Variants in MYOM2 observed in about 807,000 individuals in gnomAD.
The protein encoded by MYOM2 is myomesin 2, also known as myomesin-2.
MYOM2 carries 254 observed loss-of-function variants against 187.6 expected under a neutral mutation model. That is an observed-to-expected ratio of 1.35 (90% CI 1.22 to 1.50). The LOEUF is 1.50. MYOM2 is among the 40% of genes most tolerant of loss of function. The pLI, the probability that MYOM2 is intolerant of heterozygous loss-of-function variation, is 0.00. For missense variants in MYOM2, 2,796 were observed against 1,924.0 expected (o/e 1.45, Z -8.48); for synonymous variants, 981 against 753.8 (o/e 1.30, Z -4.94).
rs778154103 is a variant in MYOM2 at position 2,085,273 on chromosome 8, G to T, written c.1527G>T (p.Gln509His). 3 of 1,613,944 alleles carry T rather than the reference G, an allele frequency of 1.9e-6. No homozygotes were observed. The highest frequency in any genetic ancestry group is 2.5e-6 in the Non-Finnish European group (3 of 1,179,992). The change falls in exon 14 of 37, where the codon CAG (glutamine) becomes CAT (histidine). Residue 509 changes from glutamine to histidine, a missense_variant. Gln to His is a conservative substitution (Grantham distance 24, BLOSUM62 0). Transcript: ENST00000262113. Reference sequence around the variant, plus strand: ...TTATTATTCCTCCAGGTGACGCCCAGGTTCCAGGGCCTCCCACCGGTGTGC... The same window carrying T: ...TTATTATTCCTCCAGGTGACGCCCATGTTCCAGGGCCTCCCACCGGTGTGC... The part of the protein sequence containing the change: ...IYQDDLEGDA[Q>H]VPGPPTGVHA...
chr8:2,053,780 C>A (rs1367362836), intron 3 of MYOM2, among the ~76,000 whole-genome samples: 2 of 152,214 alleles, frequency 1.3e-5, no homozygotes, highest in Non-Finnish European at 2.9e-5. Context: ...GAAGGCTAGG[C>A]ACTTTCTCAG....
intron 32 of MYOM2, among the ~76,000 whole-genome samples, chr8:2,136,749 T>C (rs867560400): frequency 6.6e-6 from 1 of 152,226 alleles, no homozygotes; most frequent in Admixed American, 6.5e-5. Context: ...TGTACCTTTT[T>C]CCCTTGTCAC....
intron 17 of MYOM2, among the ~76,000 whole-genome samples, chr8:2,095,677 G>T (rs777775448): frequency 1.1e-4 from 17 of 152,302 alleles, no homozygotes; most frequent in Non-Finnish European, 1.9e-4. Flanking sequence ...GTGACTCAGA[G>T]CTGGGGCAAG....
In MYOM2 at chr8:2,094,000, G is replaced by T. The variant is rs777197743; in HGVS notation, c.2034G>T (p.Glu678Asp). The T allele has an allele frequency of 1.2e-6, 2 of 1,614,176 alleles. No individual in the cohort carries two copies. Among genetic ancestry groups the T allele is most frequent in the Non-Finnish European group, 8.5e-7 (1 of 1,180,040 alleles). The stretch of plus-strand genomic sequence containing the variant: ...TGGTGCACGGCTTAACCACGGGAGA[G>T]CAGTACATCTTCCGAGTCAAGGCGG... ...RFVVHGLTTG[E>D]QYIFRVKAVN... The change falls in exon 17 of 37, where the codon GAG becomes GAT. Residue 678 changes from glutamate to aspartate, a missense_variant. Glu to Asp is a conservative substitution (Grantham distance 45). Coordinates refer to ENST00000262113, the MANE Select transcript of MYOM2 (RefSeq NM_003970.4).
intron 32 of MYOM2, among the ~76,000 whole-genome samples, chr8:2,131,639 C>CTTT (rs1443233505): frequency 1.0e-5 from 1 of 97,486 alleles, no homozygotes. Context: ...ACAGGCATTT[C>CTTT]TTTCTTTTTT....
rs541127708 is a variant in MYOM2 at position 2,066,641 on chromosome 8, G to A, written c.654-2637G>A. ...CAGAGAAGCACCTCCTCCTTCCACC[G>A]CGGACCCCAGTCCCAGGCATGTTCT... On this transcript the variant is annotated intron_variant, in intron 6 of 36. Transcript: ENST00000262113. Among the ~76,000 whole-genome samples, 19 of 152,276 alleles carry A rather than the reference G, an allele frequency of 1.2e-4. No individual in the cohort carries two copies. In the East Asian group the frequency reaches 1.9e-3, roughly 15 times the overall value.
At chr8:2,082,759 G>C (rs1038639223) in intron 13 of MYOM2, among the ~76,000 whole-genome samples, 1 of 152,206 alleles carries the variant, frequency 6.6e-6, no homozygotes, top group East Asian at 1.9e-4. Context: ...GCAAGCATTG[G>C]CTGTGCTTTC....
At chr8:2,090,555 T>C (rs1012492204) in intron 15 of MYOM2, among the ~76,000 whole-genome samples, 1 of 152,188 alleles carries the variant, frequency 6.6e-6, no homozygotes, top group Non-Finnish European at 1.5e-5. Context: ...GTTGTAAAGA[T>C]TATTTCGTCA....
At chr8:2,056,496 T>C (rs755058052) in intron 3 of MYOM2, among the ~76,000 whole-genome samples, 2 of 151,050 alleles carry the variant, frequency 1.3e-5, no homozygotes, top group Admixed American at 6.6e-5. Flanking sequence ...CAAAATGGCA[T>C]GTGAGCCGCG....
intron 19 of MYOM2, among the ~76,000 whole-genome samples, chr8:2,100,093 CTTCCTTCCTTCCTTCTTTCT>C (rs1394174554): frequency 9.1e-5 from 8 of 87,554 alleles, no homozygotes; most frequent in Admixed American, 4.7e-4. Context: ...TCTTTCCTTC[CTTCCTTCCTTCCTTCTTTCT>C]TTCCTTCCTT....
At chr8:2,079,458 T>A in intron 12 of MYOM2, 102 bp from the exon 13 acceptor site, 1 of 1,122,578 alleles carries the variant, frequency 8.9e-7, no homozygotes. Context: ...CAGGTTGTAG[T>A]CCTAATGCAG....
At position 2,076,183 on chromosome 8, in the gene MYOM2, A is replaced by G. The variant is rs1292227995; in HGVS notation, c.1163A>G (p.Asp388Gly). The change falls in exon 11 of 37, where the codon GAC becomes GGC. Residue 388 changes from aspartate (D) to glycine (G), a missense_variant. Coordinates refer to ENST00000262113, the MANE Select transcript of MYOM2 (RefSeq NM_003970.4). ...ACAGGGGCCCCCGGTGCACCCATGG[A>G]CTTGCAGTGCCACGACGCCAACCGG... is the stretch of plus-strand genomic sequence containing the variant. ...LVTGAPGAPM[D>G]LQCHDANRDY... 5 of 1,613,246 alleles carry G rather than the reference A, an allele frequency of 3.1e-6. No individual in the cohort carries two copies. The highest frequency in any genetic ancestry group is 4.2e-6 in the Non-Finnish European group (5 of 1,179,862).
rs1798420306 is a variant in MYOM2, at chr8:2,145,191, CGT to C, written c.*213_*214del. The C allele has an allele frequency of 1.6e-6, 1 of 610,374 alleles. No homozygotes were observed. 37.8% of individuals were successfully genotyped at this position (610,374 alleles called of 1,614,324 possible). ...TAATGTTTTCCACAAGACTGAACAA[CGT>C]GTATTTACACGAGGGTAGACGGCAG... On this transcript the variant is annotated 3_prime_UTR_variant, in exon 37 of 37. Transcript: ENST00000262113.
chr8:2,127,622 G>C (rs1420955696), intron 31 of MYOM2: 1 of 160,288 alleles, frequency 6.2e-6, no homozygotes, highest in Non-Finnish European at 1.4e-5. Flanking sequence ...GCAGTACCTC[G>C]GCGTGACGCG....
intron 23 of MYOM2, 52 bp from the exon 24 acceptor site, chr8:2,108,734 A>T: frequency 6.3e-7 from 1 of 1,595,158 alleles, no homozygotes; most frequent in Admixed American, 1.7e-5. Context: ...TTGTCTACAA[A>T]CTTCTCTAGG....
At chr8:2,143,206 T>G (rs936589876) in intron 35 of MYOM2, 195 bp from the exon 36 acceptor site, 15 of 656,176 alleles carry the variant, frequency 2.3e-5, no homozygotes, top group Non-Finnish European at 4.1e-5. Context: ...GTCTGTTATC[T>G]CCTCATCTAC....
At chr8:2,065,001 T>G (rs2129331895) in intron 6 of MYOM2, among the ~76,000 whole-genome samples, 1 of 152,368 alleles carries the variant, frequency 6.6e-6, no homozygotes. Context: ...GAATCATCTT[T>G]GAACTTTTGG....
chr8:2,137,358 G>T (rs1327000312), intron 32 of MYOM2, among the ~76,000 whole-genome samples: 4 of 151,862 alleles, frequency 2.6e-5, no homozygotes, highest in Admixed American at 2.6e-4. Context: ...CAAGACACCA[G>T]GCATGACAAA....
chr8:2,085,464 C>CCCT, intron 14 of MYOM2, 74 bp downstream of exon 14: 2 of 1,529,784 alleles, frequency 1.3e-6, no homozygotes, highest in Non-Finnish European at 8.8e-7. Context: ...CTGCGTGGCC[C>CCCT]ACCGCTGTCG....
Sources: allele counts gnomAD v4.1 joint callset (sites outside exome capture counted in the v4.1 genomes callset), GRCh38; gene constraint gnomAD v4.1.1; transcripts MANE v1.5; gene names NCBI Gene and HGNC (gene_info 2026-07-23, HGNC 2026-07-21).